SLC47A1: variants seen among roughly 807,000 people sequenced by gnomAD.
The protein encoded by SLC47A1 is solute carrier family 47 member 1.
A neutral mutation model predicts 65.8 loss-of-function variants in SLC47A1; 58 were observed. The ratio of observed to expected loss-of-function variants is 0.88; its 90% CI spans 0.71 to 1.10. The LOEUF is 1.10. Ranked by LOEUF, SLC47A1 falls within the 50% of genes least tolerant of loss-of-function variation. The pLI, the probability that SLC47A1 is intolerant of heterozygous loss-of-function variation, is 0.00. For synonymous variants in SLC47A1, 285 were observed against 295.0 expected, an observed-to-expected ratio of 0.97 and a Z score of 0.35; for missense variants, 706 against 719.2, an observed-to-expected ratio of 0.98 and a Z score of 0.21.
In SLC47A1 at chr17:19,551,393, A is replaced by G. The variant is rs552773670; in HGVS notation, c.499-31A>G. 4.1e-5 allele frequency: 65 copies of G among 1,578,860 alleles called. No individual in the cohort carries two copies. The South Asian group carries it at 5.4e-4, about 13-fold the overall frequency. The stretch of plus-strand genomic sequence containing the variant: ...CACTTCTGTGTGGCAAGGCTGAAAC[A>G]TTAACATTCATCTCTCTTGTTCTCT... On this transcript the variant is annotated intron_variant, in intron 5 of 16. Coordinates refer to ENST00000270570, the MANE Select transcript of SLC47A1 (RefSeq NM_018242.3).
At chr17:19,549,047 G>C (rs2152313516) in intron 4 of SLC47A1, among the ~76,000 whole-genome samples, 1 of 152,184 alleles carries the variant, frequency 6.6e-6, no homozygotes, top group South Asian at 2.1e-4. Context: ...GCAGTGCTCG[G>C]GACAGCACCA....
chr17:19,541,832 A>C (rs539967076), intron 1 of SLC47A1, among the ~76,000 whole-genome samples: 56 of 152,228 alleles, frequency 3.7e-4, no homozygotes, highest in African/African-American at 1.3e-3. Flanking sequence ...TGAACTGAAA[A>C]ACAGGAAAGG....
At chr17:19,567,808 C>G (rs1011044506) in intron 14 of SLC47A1, 5 of 154,592 alleles carry the variant, frequency 3.2e-5, no homozygotes, top group African/African-American at 1.2e-4. Flanking sequence ...CCTCATCGCA[C>G]TCCGCAGCCT....
chr17:19,549,453 T>C (rs1307976609), intron 4 of SLC47A1, among the ~76,000 whole-genome samples, 182 bp from the exon 5 acceptor site: 1 of 136,374 alleles, frequency 7.3e-6, no homozygotes, highest in Admixed American at 7.0e-5. Context: ...TGCCTCGGGA[T>C]TACAGGCTGG....
rs200263030 is a variant in SLC47A1 at position 19,560,144 on chromosome 17, C to T, written c.922-44C>T. 3.5e-4 allele frequency: 502 copies of T among 1,424,224 alleles called. 2 individuals carry two copies. The African/African-American group carries it at 6.6e-3, about 19-fold the overall frequency. The allele number at this position is 1,424,224 out of a possible 1,614,324, so 88.2% of individuals were successfully genotyped here. A position where few individuals can be genotyped will look rare whatever the true frequency, so the allele number is the denominator to read the frequency against. ...CTGCTTCTCTGCACGTGTTCTCGCTCTGCAGTTTCTCACTCATTGTTGCAG... is the reference window on the plus strand; with the variant it reads ...CTGCTTCTCTGCACGTGTTCTCGCTTTGCAGTTTCTCACTCATTGTTGCAG... On this transcript the variant is annotated intron_variant, in intron 10 of 16. Transcript: ENST00000270570.
chr17:19,541,525 G>A (rs936248833), intron 1 of SLC47A1, among the ~76,000 whole-genome samples: 1 of 152,168 alleles, frequency 6.6e-6, no homozygotes, highest in African/African-American at 2.4e-5. Flanking sequence ...AGGAAGAATG[G>A]TTCAATATTC....
chr17:19,538,441 T>C (rs898878508), intron 1 of SLC47A1, among the ~76,000 whole-genome samples: 1 of 152,232 alleles, frequency 6.6e-6, no homozygotes, highest in Admixed American at 6.5e-5. Flanking sequence ...AAAAGATCAA[T>C]ATCCCAAATT....
rs2084361437 is a variant in SLC47A1 at position 19,566,809 on chromosome 17, G to A, written c.1126G>A (p.Ala376Thr). The A allele has an allele frequency of 1.9e-6, 3 of 1,614,122 alleles. No homozygotes were observed. Among genetic ancestry groups the A allele is most frequent in the East Asian group, 4.5e-5 (2 of 44,880 alleles). ...TAACAGAGACATCATTAATCTGGTG[G>A]CTCAGGTGGTTCCAATTTATGCTGT... ...TTDRDIINLV[A>T]QVVPIYAVSH... The change falls in exon 13 of 17, where the codon GCT (alanine) becomes ACT (threonine). Residue 376 changes from alanine to threonine, a missense_variant. Ala to Thr is a moderately conservative substitution (Grantham distance 58, BLOSUM62 0). Transcript: ENST00000270570.
chr17:19,575,359 T>C (rs1905239750), intron 16 of SLC47A1, among the ~76,000 whole-genome samples: 1 of 151,972 alleles, frequency 6.6e-6, no homozygotes, highest in African/African-American at 2.4e-5. Flanking sequence ...TGCCTTCATT[T>C]TTCTCTTCGG....
rs749240625 is a variant in SLC47A1, at chr17:19,560,411, C to T, written c.1031-7C>T. On this transcript the variant is annotated splice_polypyrimidine_tract_variant and splice_region_variant and intron_variant, in intron 11 of 16. Coordinates refer to ENST00000270570, the MANE Select transcript of SLC47A1 (RefSeq NM_018242.3). The stretch of plus-strand genomic sequence containing the variant: ...TGTGTTGTTTCTTCTGCCGTTTTTA[C>T]CTTCAGTGCTCTTTGCTGTAGCCTT... 2 of 1,614,126 alleles carry T rather than the reference C, an allele frequency of 1.2e-6. No homozygotes were observed. Among genetic ancestry groups the T allele is most frequent in the East Asian group, 2.2e-5 (1 of 44,874 alleles).
chr17:19,539,006 C>G (rs1916067491), intron 1 of SLC47A1, among the ~76,000 whole-genome samples: 2 of 152,122 alleles, frequency 1.3e-5, no homozygotes, highest in South Asian at 4.1e-4. Flanking sequence ...GAGCTGAGCT[C>G]AAGTGATCCT....
intron 12 of SLC47A1, among the ~76,000 whole-genome samples, chr17:19,560,710 C>G (rs3794805): frequency 0.44 from 65,992 of 151,090 alleles, 14,684 homozygotes; most frequent in Middle Eastern, 0.61. Flanking sequence ...GAAACCCTAT[C>G]TCTACTAAAA....
At chr17:19,557,979 A>C (rs186898292) in intron 10 of SLC47A1, 1 of 222,540 alleles carries the variant, frequency 4.5e-6, no homozygotes, top group Non-Finnish European at 9.3e-6. Flanking sequence ...TATGCTTTCC[A>C]ATAGGCTTGT....
intron 10 of SLC47A1, chr17:19,557,380 A>T (rs1433751430): frequency 1.7e-5 from 3 of 172,392 alleles, no homozygotes; most frequent in Non-Finnish European, 2.5e-5. Flanking sequence ...ACTATATCTA[A>T]GTCAAAATGC....
intron 12 of SLC47A1, among the ~76,000 whole-genome samples, chr17:19,563,727 G>T (rs1173275090): frequency 6.6e-6 from 1 of 152,066 alleles, no homozygotes; most frequent in African/African-American, 2.4e-5. Context: ...GGTGGCTCAC[G>T]CCTGTAATCC....
chr17:19,567,534 A>C (rs1203350026), intron 14 of SLC47A1, among the ~76,000 whole-genome samples: 1 of 152,186 alleles, frequency 6.6e-6, no homozygotes, highest in African/African-American at 2.4e-5. Context: ...ACTTCTCTAA[A>C]GGAGGCAACA....
At chr17:19,555,394 T>TG in intron 7 of SLC47A1, 85 bp downstream of exon 7, 1 of 1,435,030 alleles carries the variant, frequency 7.0e-7, no homozygotes. Flanking sequence ...GCTCTTCAGC[T>TG]GGTTCTTGTG....
At chr17:19,549,411 C>T (rs1379057117) in intron 4 of SLC47A1, among the ~76,000 whole-genome samples, 3 of 152,080 alleles carry the variant, frequency 2.0e-5, no homozygotes, top group Admixed American at 6.5e-5. Context: ...GTTAGCCAGG[C>T]TGGTCTCGAA....
At chr17:19,540,116 G>A (rs979148779) in intron 1 of SLC47A1, among the ~76,000 whole-genome samples, 4 of 152,192 alleles carry the variant, frequency 2.6e-5, no homozygotes, top group African/African-American at 9.7e-5. Flanking sequence ...TCGACTTCCT[G>A]GCCTTTTGTA....
Sources: allele counts gnomAD v4.1 joint callset (sites outside exome capture counted in the v4.1 genomes callset), GRCh38; gene constraint gnomAD v4.1.1; transcripts MANE v1.5; gene names NCBI Gene and HGNC (gene_info 2026-07-23, HGNC 2026-07-21).